AKAP10: variants seen among roughly 807,000 people sequenced by gnomAD.
The protein encoded by AKAP10 is A-kinase anchor protein 10, mitochondrial.
Under a neutral mutation model 80.8 loss-of-function variants are expected in AKAP10, and 24 were observed. The observed-to-expected ratio is 0.30, with a 90% CI of 0.22 to 0.42. The LOEUF (loss-of-function observed/expected upper bound fraction) is 0.42. Among genes scored for constraint, AKAP10 ranks in the 10% least tolerant of loss-of-function variants. AKAP10 has a pLI of 1.00. For synonymous variants in AKAP10, 291 were observed against 277.7 expected (o/e 1.05, Z -0.48); for missense variants, 661 against 794.9 (o/e 0.83, Z 2.03).
chr17:19,961,112 C>G (rs1175096430), intron 3 of AKAP10, among the ~76,000 whole-genome samples: 6 of 148,246 alleles, frequency 4.0e-5, no homozygotes, highest in African/African-American at 1.5e-4. Flanking sequence ...GAGGCCTACG[C>G]AAGTGGATCG....
chr17:19,972,862 C>T (rs79404644), intron 1 of AKAP10, among the ~76,000 whole-genome samples: 1,873 of 152,322 alleles, frequency 0.012, 37 homozygotes, highest in African/African-American at 0.043. Context: ...ATTGTTCCCC[C>T]TACCTGTTCT....
chr17:19,920,023 A>G lies in AKAP10; in HGVS notation c.1834+13T>C. 1 of 1,605,368 alleles carries G rather than the reference A, an allele frequency of 6.2e-7. No individual in the cohort carries two copies. Among genetic ancestry groups the G allele is most frequent in the Non-Finnish European group, 8.5e-7 (1 of 1,173,092 alleles). Reference sequence around the variant, plus strand: ...AGTAAAGGCTTAATATGAAGTATAAAAACACCACAAACCTTTTGATTTCCT... The same window carrying G: ...AGTAAAGGCTTAATATGAAGTATAAGAACACCACAAACCTTTTGATTTCCT... On this transcript the variant is annotated intron_variant, in intron 12 of 14. Coordinates refer to ENST00000225737, the MANE Select transcript of AKAP10 (RefSeq NM_007202.4).
At position 19,962,918 on chromosome 17, in the gene AKAP10, C is replaced by T; in HGVS notation, c.241G>A (p.Asp81Asn). The change falls in exon 3 of 15, where the codon GAC (aspartate) becomes AAC (asparagine). Residue 81 changes from aspartate (D) to asparagine (N), a missense_variant. Transcript: ENST00000225737. ...GCTGTCCTGCTACTTGAAAAGGAGT[C>T]CATGTTGGCAGAAATGGCATTGATT... ...VAINAISANM[D>N]SFSSSRTATL... is the part of the protein sequence containing the mutation. The T allele has an allele frequency of 6.2e-7, 1 of 1,614,052 alleles. No individual in the cohort carries two copies. The highest frequency in any genetic ancestry group is 8.5e-7 in the Non-Finnish European group (1 of 1,179,942).
At chr17:19,925,438 T>A (rs1224929000) in intron 10 of AKAP10, among the ~76,000 whole-genome samples, 1 of 152,120 alleles carries the variant, frequency 6.6e-6, no homozygotes, top group Non-Finnish European at 1.5e-5. Flanking sequence ...CAAGTTCTCC[T>A]CCAGCATTCT....
intron 1 of AKAP10, among the ~76,000 whole-genome samples, chr17:19,972,877 C>T (rs974301848): frequency 1.3e-5 from 2 of 152,224 alleles, no homozygotes; most frequent in African/African-American, 4.8e-5. Context: ...TGTTCTTCTA[C>T]ATGACTTCAA....
Position 19,947,528 on chromosome 17 carries a change from C to G in AKAP10, c.878-23G>C, listed in dbSNP as rs2043148182. 3 of 1,549,184 alleles carry G rather than the reference C, an allele frequency of 1.9e-6. No homozygotes were observed. In the African/African-American group the frequency reaches 4.1e-5, roughly 21 times the overall value. Reference sequence around the variant, plus strand: ...TACCTGCAAGGGAAGAAGAGAACTTCAAAAACCAAAAAGCAACTTGGACTC... The same window carrying G: ...TACCTGCAAGGGAAGAAGAGAACTTGAAAAACCAAAAAGCAACTTGGACTC... On this transcript the variant is annotated intron_variant, in intron 4 of 14. Transcript: ENST00000225737.
chr17:19,927,235 G>C (rs1408985653), intron 10 of AKAP10, among the ~76,000 whole-genome samples: 1 of 152,156 alleles, frequency 6.6e-6, no homozygotes, highest in Non-Finnish European at 1.5e-5. Context: ...TCAGGAGGCT[G>C]AAGTAAGAGG....
chr17:19,968,500 T>A, intron 1 of AKAP10, 39 bp from the exon 2 acceptor site: 1 of 1,531,618 alleles, frequency 6.5e-7, no homozygotes. Context: ...ACTTTTGCAG[T>A]CAGAGATCCA....
intron 8 of AKAP10, 141 bp from the exon 9 acceptor site, chr17:19,936,571 G>T: frequency 1.2e-6 from 1 of 810,878 alleles, no homozygotes; most frequent in Non-Finnish European, 1.9e-6. Context: ...TGATGACAGT[G>T]CTGATGTAAC....
Position 19,962,924 on chromosome 17 carries a change from T to A in AKAP10, c.235A>T (p.Asn79Tyr), listed in dbSNP as rs746512247. 6.2e-7 allele frequency: 1 copy of A among 1,614,132 alleles called. No homozygotes were observed. Among genetic ancestry groups the A allele is most frequent in the South Asian group, 1.1e-5 (1 of 91,084 alleles). The part of the protein sequence containing the change: ...SHVAINAISA[N>Y]MDSFSSSRTA... ...CTGCTACTTGAAAAGGAGTCCATGT[T>A]GGCAGAAATGGCATTGATTGCAACA... The change falls in exon 3 of 15, where the codon AAC (asparagine) becomes TAC (tyrosine). Residue 79 changes from asparagine to tyrosine, a missense_variant. Physicochemically the swap from Asn to Tyr is moderately radical, Grantham distance 143 (BLOSUM62 -2). Transcript: ENST00000225737.
At chr17:19,935,896 AG>A (rs2152413669) in intron 9 of AKAP10, 1 of 155,976 alleles carries the variant, frequency 6.4e-6, no homozygotes, top group East Asian at 1.9e-4. Context: ...TTAAAAGTAT[AG>A]TACAGTAAAT....
intron 8 of AKAP10, among the ~76,000 whole-genome samples, chr17:19,936,721 G>T (rs1053004813): frequency 1.3e-5 from 2 of 152,168 alleles, no homozygotes; most frequent in South Asian, 4.1e-4. Context: ...CTGAGGCAAA[G>T]AAACTAACAA....
Position 19,943,339 on chromosome 17 carries a change from G to C in AKAP10, c.977-1429C>G, listed in dbSNP as rs576138355. On this transcript the variant is annotated intron_variant, in intron 5 of 14. Transcript: ENST00000225737. ...AGACCAAGGCAGAATTACACGTTTG[G>C]GACTTTCAGCCCTACCCACCAACCT... Among the ~76,000 whole-genome samples the C allele has an allele frequency of 3.9e-5, 6 of 152,238 alleles. No individual in the cohort carries two copies. In the South Asian group the frequency reaches 1.2e-3, roughly 32 times the overall value.
intron 12 of AKAP10, among the ~76,000 whole-genome samples, chr17:19,919,592 G>C (rs2152410843): frequency 6.6e-6 from 1 of 151,854 alleles, no homozygotes; most frequent in East Asian, 1.9e-4. Context: ...GATGAGGCAG[G>C]AAAATCGCTT....
At chr17:19,946,273 ATATTTTTTTTTTTTTT>A (rs2043128202) in intron 5 of AKAP10, among the ~76,000 whole-genome samples, 6 of 19,810 alleles carry the variant, frequency 3.0e-4, no homozygotes, top group African/African-American at 1.2e-3. Flanking sequence ...ATATATATAT[ATATTTTTTTTTTTTTT>A]TTTTTTTTTT....
At chr17:19,906,948 CA>C (rs780760704) in intron 14 of AKAP10, among the ~76,000 whole-genome samples, 15 of 152,144 alleles carry the variant, frequency 9.9e-5, no homozygotes, top group Non-Finnish European at 2.1e-4. Flanking sequence ...CTAAAGTAGT[CA>C]CCTGCAAAAG....
chr17:19,958,361 A>C lies in AKAP10; in HGVS notation c.530T>G (p.Val177Gly). Reference sequence around the variant, plus strand: ...AGGCTCAGCCAGTGAGCTCTGCTTCACTGTGTTTAGACTGTGTGCTCTTAT... The same window carrying C: ...AGGCTCAGCCAGTGAGCTCTGCTTCCCTGTGTTTAGACTGTGTGCTCTTAT... ...SRIRAHSLNTVKQSSLAEPVS... is the reference protein window; with the variant it reads ...SRIRAHSLNTGKQSSLAEPVS... The change falls in exon 4 of 15, where the codon GTG becomes GGG. Residue 177 changes from valine to glycine, a missense_variant. By Grantham distance (109) the Val-to-Gly change is moderately radical (BLOSUM62 -3). Coordinates refer to ENST00000225737, the MANE Select transcript of AKAP10 (RefSeq NM_007202.4). 1 of 1,614,230 alleles carries C rather than the reference A, an allele frequency of 6.2e-7. No individual in the cohort carries two copies. Among genetic ancestry groups the C allele is most frequent in the East Asian group, 2.2e-5 (1 of 44,890 alleles).
At chr17:19,969,241 G>A (rs890617879) in intron 1 of AKAP10, among the ~76,000 whole-genome samples, 1 of 152,138 alleles carries the variant, frequency 6.6e-6, no homozygotes, top group African/African-American at 2.4e-5. Flanking sequence ...AGCTACTTGG[G>A]AGGCTGAGGC....
intron 4 of AKAP10, among the ~76,000 whole-genome samples, chr17:19,956,909 G>A (rs563198602): frequency 6.6e-6 from 1 of 151,980 alleles, no homozygotes; most frequent in East Asian, 2.0e-4. Context: ...GAGCCTGGTT[G>A]AGGGAAGGAA....
Sources: gnomAD v4.1 joint callset for allele counts (sites outside exome capture counted in the v4.1 genomes callset) on GRCh38, gnomAD v4.1.1 for gene constraint, MANE v1.5 for transcripts, NCBI Gene and HGNC (gene_info 2026-07-23, HGNC 2026-07-21) for gene names.